QSER1: variants seen among roughly 807,000 people sequenced by gnomAD.
QSER1 encodes the protein glutamine and serine-rich protein 1.
QSER1 carries 49 observed loss-of-function variants against 158.5 expected under a neutral mutation model. That is an observed-to-expected ratio of 0.31 (90% CI 0.25 to 0.39). The LOEUF (loss-of-function observed/expected upper bound fraction) is 0.39. QSER1 is among the 10% of genes least tolerant of loss of function. The pLI, the probability that QSER1 is intolerant of heterozygous loss-of-function variation, is 1.00. For synonymous variants in QSER1, 650 were observed against 715.5 expected (o/e 0.91, Z 1.46); for missense variants, 1,754 against 2,010.3 (o/e 0.87, Z 2.44).
intron 4 of QSER1, among the ~76,000 whole-genome samples, chr11:32,952,719 C>G (rs1216424101): frequency 2.1e-5 from 3 of 141,872 alleles, no homozygotes; most frequent in South Asian, 4.6e-4. Context: ...TGGGCCTGTG[C>G]TTTTCTTTGT....
At position 32,924,422 on chromosome 11, in the gene QSER1, T is replaced by C. The variant is rs941726466; in HGVS notation, c.210-2735T>C. ...GTCTCTACAAAAAGTTAGCTGGTGG[T>C]GGTGGTGCACGCCTATGGTCCCAGC... On this transcript the variant is annotated intron_variant, in intron 1 of 12. Transcript: ENST00000650167. Among the ~76,000 whole-genome samples, 10 of 151,436 alleles carry C rather than the reference T, an allele frequency of 6.6e-5. 1 individual carries two copies. The highest frequency in any genetic ancestry group is 1.3e-4 in the Non-Finnish European group (9 of 67,834).
At position 32,977,017 on chromosome 11, in the gene QSER1, A is replaced by G. The variant is rs551521215; in HGVS notation, c.*543A>G. 6.6e-6 allele frequency: 1 copy of G among 152,620 alleles called. No individual in the cohort carries two copies. The highest frequency in any genetic ancestry group is 6.5e-5 in the Admixed American group (1 of 15,272). 9.5% of individuals were successfully genotyped at this position (152,620 alleles called of 1,614,324 possible). On this transcript the variant is annotated 3_prime_UTR_variant, in exon 13 of 13. Transcript: ENST00000650167. Reference sequence around the variant, plus strand: ...ATTTGGAAACTATTCTGCTTTACAGACTCCTTTTACTCTTAACATGTTCAG... The same window carrying G: ...ATTTGGAAACTATTCTGCTTTACAGGCTCCTTTTACTCTTAACATGTTCAG...
At position 32,934,146 on chromosome 11, in the gene QSER1, G is replaced by C; in HGVS notation, c.2888G>C (p.Cys963Ser). ...KNQFVSLGSM[C>S]FPEAVLLSDE... ...CAGTTTGTTTCTCTTGGATCGATGTGTTTCCCAGAGGCAGTGCTTCTTAGT... is the reference window on the plus strand; with the variant it reads ...CAGTTTGTTTCTCTTGGATCGATGTCTTTCCCAGAGGCAGTGCTTCTTAGT... Residue 963 changes from cysteine to serine, a missense_variant, in exon 4 of 13, where the codon TGT becomes TCT. By Grantham distance (112) the Cys-to-Ser change is moderately radical. Coordinates refer to ENST00000650167, the MANE Select transcript of QSER1 (RefSeq NM_001076786.3). 1 of 1,613,974 alleles carries C rather than the reference G, an allele frequency of 6.2e-7. No homozygotes were observed. The highest frequency in any genetic ancestry group is 1.1e-5 in the South Asian group (1 of 91,072).
At chr11:32,938,306 G>C (rs866209620) in intron 4 of QSER1, among the ~76,000 whole-genome samples, 3 of 152,158 alleles carry the variant, frequency 2.0e-5, no homozygotes, top group South Asian at 2.1e-4. Flanking sequence ...AATCATCTTT[G>C]TATTTGCAAG....
intron 1 of QSER1, among the ~76,000 whole-genome samples, chr11:32,899,197 T>C (rs1851595028): frequency 6.6e-6 from 1 of 152,256 alleles, no homozygotes; most frequent in African/African-American, 2.4e-5. Flanking sequence ...TAGTATTTAC[T>C]TTAATCCATG....
intron 9 of QSER1, among the ~76,000 whole-genome samples, chr11:32,967,887 C>T (rs1051348328): frequency 6.6e-6 from 1 of 152,124 alleles, no homozygotes; most frequent in Non-Finnish European, 1.5e-5. Context: ...TAGTCTGAAA[C>T]ATTTATTTTG....
At chr11:32,937,001 C>T (rs1459475794) in intron 4 of QSER1, among the ~76,000 whole-genome samples, 7 of 152,166 alleles carry the variant, frequency 4.6e-5, no homozygotes, top group African/African-American at 7.2e-5. Context: ...GGTTTTATAA[C>T]GTCTCACCCA....
intron 1 of QSER1, among the ~76,000 whole-genome samples, chr11:32,907,571 G>A (rs1409253507): frequency 6.6e-6 from 1 of 152,180 alleles, no homozygotes; most frequent in Non-Finnish European, 1.5e-5. Flanking sequence ...AAAACATTTC[G>A]TAGCACCCAT....
intron 10 of QSER1, among the ~76,000 whole-genome samples, chr11:32,973,158 A>G (rs994681477): frequency 6.6e-6 from 1 of 152,246 alleles, no homozygotes; most frequent in Admixed American, 6.5e-5. Context: ...TAGATTACAT[A>G]TCCAATAGGA....
In QSER1 at chr11:32,893,570, G is replaced by C. The variant is rs140115759; in HGVS notation, c.209+236G>C. Among the ~76,000 whole-genome samples, 135 of 152,294 alleles carry C rather than the reference G, an allele frequency of 8.9e-4. 2 individuals are homozygous for C. The highest frequency in any genetic ancestry group is 3.2e-3 in the African/African-American group (131 of 41,558). On this transcript the variant is annotated intron_variant, in intron 1 of 12. Transcript: ENST00000650167. This position sits in a 1 kb window ranked among gnomAD's most constrained non-coding sequence, Gnocchi z 4.7. ...CGGCGGGTGAAGGAATAGCTGGGCGGGAGTCGTGGGGCTCCGTCACCTCTT... is the reference window on the plus strand; with the variant it reads ...CGGCGGGTGAAGGAATAGCTGGGCGCGAGTCGTGGGGCTCCGTCACCTCTT...
At chr11:32,975,961 G>GTGTT (rs1290882670) in intron 12 of QSER1, among the ~76,000 whole-genome samples, 1 of 152,176 alleles carries the variant, frequency 6.6e-6, no homozygotes, top group Non-Finnish European at 1.5e-5. Flanking sequence ...TATATCTAAT[G>GTGTT]TGTTTGACAG....
At chr11:32,969,223 A>G (rs1852805805) in intron 10 of QSER1, 80 bp downstream of exon 10, 6 of 872,562 alleles carry the variant, frequency 6.9e-6, no homozygotes, top group Non-Finnish European at 7.2e-6. Flanking sequence ...ATTTATGAAA[A>G]TTATTCACTT....
At chr11:32,973,318 C>T in intron 10 of QSER1, 79 bp from the exon 11 acceptor site, 1 of 1,482,554 alleles carries the variant, frequency 6.7e-7, no homozygotes, top group South Asian at 1.2e-5. Context: ...TGCACACACA[C>T]TTCTAAATTT....
intron 1 of QSER1, among the ~76,000 whole-genome samples, chr11:32,921,451 TA>T (rs1430530856): frequency 2.6e-5 from 4 of 152,220 alleles, no homozygotes; most frequent in Non-Finnish European, 5.9e-5. Flanking sequence ...CTGAATATTC[TA>T]AAAACCACTG....
intron 10 of QSER1, among the ~76,000 whole-genome samples, chr11:32,971,989 G>A (rs1235261827): frequency 1.3e-5 from 2 of 151,506 alleles, no homozygotes; most frequent in Non-Finnish European, 2.9e-5. Context: ...CGTGAACCCA[G>A]GAGGCAGAGC....
At chr11:32,972,073 A>AC (rs1366194126) in intron 10 of QSER1, among the ~76,000 whole-genome samples, 2 of 151,742 alleles carry the variant, frequency 1.3e-5, no homozygotes, top group African/African-American at 4.8e-5. Flanking sequence ...AAAAAAAAAA[A>AC]AAAACAAAAC....
intron 10 of QSER1, among the ~76,000 whole-genome samples, 176 bp from the exon 11 acceptor site, chr11:32,973,221 T>A (rs1852903006): frequency 6.6e-6 from 1 of 152,172 alleles, no homozygotes; most frequent in Non-Finnish European, 1.5e-5. Flanking sequence ...TGTATGTATA[T>A]GTATGCATAT....
At chr11:32,956,165 GTAT>G in intron 7 of QSER1, 44 bp downstream of exon 7, 1 of 1,501,816 alleles carries the variant, frequency 6.7e-7, no homozygotes, top group South Asian at 1.2e-5. Context: ...ATATATAGGT[GTAT>G]TATTGATGAT....
At chr11:32,973,838 T>C (rs1852918695) in intron 11 of QSER1, among the ~76,000 whole-genome samples, 1 of 152,216 alleles carries the variant, frequency 6.6e-6, no homozygotes, top group African/African-American at 2.4e-5. Flanking sequence ...AGTTTTTCAT[T>C]TTTTAAATTG....
Sources: gnomAD v4.1 joint callset for allele counts (sites outside exome capture counted in the v4.1 genomes callset) on GRCh38, gnomAD v4.1.1 for gene constraint, Gnocchi (gnomAD v3.1) non-coding constraint, MANE v1.5 for transcripts, NCBI Gene and HGNC (gene_info 2026-07-23, HGNC 2026-07-21) for gene names.